The following DHX36 variants were observed in gnomAD, a reference collection of about 807,000 sequenced individuals.
DHX36 encodes DEAH-box helicase 36, also known as ATP-dependent DNA/RNA helicase DHX36.
A neutral mutation model predicts 139.0 loss-of-function variants in DHX36; 50 were observed. The ratio of observed to expected loss-of-function variants is 0.36; its 90% confidence interval spans 0.29 to 0.46. The LOEUF (loss-of-function observed/expected upper bound fraction) is 0.46. Among genes scored for constraint, DHX36 ranks in the 20% least tolerant of loss-of-function variants. The pLI is 1.00. For synonymous variants in DHX36, 425 were observed against 401.9 expected (o/e 1.06, Z -0.69); for missense variants, 1,024 against 1,211.3 (o/e 0.85, Z 2.29).
chr3:154,307,823 A>T (rs995588130), intron 5 of DHX36, among the ~76,000 whole-genome samples: 2 of 151,914 alleles, frequency 1.3e-5, no homozygotes, highest in African/African-American at 4.8e-5. Flanking sequence ...CTTGTCTTGC[A>T]TGTTTATCAC....
At chr3:154,276,462 C>A (rs953443905) in intron 24 of DHX36, 106 bp from the exon 25 acceptor site, 29 of 1,083,768 alleles carry the variant, frequency 2.7e-5, no homozygotes, top group Non-Finnish European at 3.8e-5. Flanking sequence ...CAAGCGATGG[C>A]TCAAAAGCTA....
intron 3 of DHX36, among the ~76,000 whole-genome samples, chr3:154,313,332 A>G (rs1431968108): frequency 6.6e-6 from 1 of 152,172 alleles, no homozygotes; most frequent in Non-Finnish European, 1.5e-5. Flanking sequence ...GATGTGAGAT[A>G]ATTCAACTAT....
chr3:154,312,900 T>TATATAA lies in DHX36; in HGVS notation c.604-1227_604-1226insTTATAT, dbSNP rs1331669290. ...ATATATATATATATATATATATATATAAAATAAATAAAGAACTGTCTTTGG... is the reference window on the plus strand; with the variant it reads ...ATATATATATATATATATATATATATATATAAAAAATAAATAAAGAACTGTCTTTGG... On this transcript the variant is annotated intron_variant, in intron 3 of 24. Transcript: ENST00000496811. 5.0e-3 allele frequency among the ~76,000 whole-genome samples: 338 copies of TATATAA among 67,560 alleles called. 14 individuals carry two copies. Among genetic ancestry groups the TATATAA allele is most frequent in the East Asian group, 0.024 (40 of 1,652 alleles). The allele number at this position is 67,560 out of a possible 152,430, so 44.3% of individuals were successfully genotyped here. A position where few individuals can be genotyped will look rare whatever the true frequency, so the allele number is the denominator to read the frequency against.
intron 6 of DHX36, among the ~76,000 whole-genome samples, chr3:154,305,957 C>G (rs892409476): frequency 1.3e-5 from 2 of 152,078 alleles, no homozygotes; most frequent in Non-Finnish European, 2.9e-5. Flanking sequence ...TAATGGTCTA[C>G]TAATCTATGT....
rs1719144024 is a variant in DHX36, at chr3:154,276,204, A to T, written c.2994T>A (p.Phe998Leu). 1.2e-6 allele frequency: 2 copies of T among 1,612,706 alleles called. No homozygotes were observed. Among genetic ancestry groups the T allele is most frequent in the Non-Finnish European group, 1.7e-6 (2 of 1,179,484 alleles). Residue 998 changes from phenylalanine to leucine, a missense_variant, in exon 25 of 25, where the codon TTT (phenylalanine) becomes TTA (leucine). Physicochemically the swap from Phe to Leu is conservative, Grantham distance 22 (BLOSUM62 0). This residue lies in a region of DHX36 where 470 missense variants were observed against 616.2 expected (regional missense o/e 0.76). Coordinates refer to ENST00000496811, the MANE Select transcript of DHX36 (RefSeq NM_020865.3). ...AATATCCATCCTGGAATCGTGGCGGAAAGTTCCTGGGAGTTGCCTTTTCCT... is the reference window on the plus strand; with the variant it reads ...AATATCCATCCTGGAATCGTGGCGGTAAGTTCCTGGGAGTTGCCTTTTCCT... The part of the protein sequence containing the change: ...KTQEKATPRN[F>L]PPRFQDGYYS
rs1287454878 is a variant in DHX36 at position 154,291,122 on chromosome 3, G to A, written c.1815-1296C>T. Reference sequence around the variant, plus strand: ...TGCACTCCAGCCTGGGCGACAGAGCGAGACTCCGTCTCAAAAAAAAAAAAA... The same window carrying A: ...TGCACTCCAGCCTGGGCGACAGAGCAAGACTCCGTCTCAAAAAAAAAAAAA... On this transcript the variant is annotated intron_variant, in intron 15 of 24. Transcript: ENST00000496811. Among the ~76,000 whole-genome samples, 17 of 94,580 alleles carry A rather than the reference G, an allele frequency of 1.8e-4. No homozygotes were observed. The East Asian group carries it at 2.7e-3, about 15-fold the overall frequency. 62.0% of individuals were successfully genotyped at this position (94,580 alleles called of 152,430 possible).
chr3:154,302,401 T>C (rs1330144983), intron 9 of DHX36, among the ~76,000 whole-genome samples: 1 of 152,196 alleles, frequency 6.6e-6, no homozygotes, highest in African/African-American at 2.4e-5. Flanking sequence ...TTAACCATTA[T>C]AAAGTATGCT....
In DHX36 at chr3:154,275,965, T is replaced by TA. The variant is rs1277740422; in HGVS notation, c.*205dup. The stretch of plus-strand genomic sequence containing the variant: ...CAGCAGAGTATATGATCAGAGAACA[T>TA]ATTGCTTTTATGGTATATATATATA... On this transcript the variant is annotated 3_prime_UTR_variant, in exon 25 of 25. Coordinates refer to ENST00000496811, the MANE Select transcript of DHX36 (RefSeq NM_020865.3). 3.0e-6 allele frequency: 1 copy of TA among 331,944 alleles called. No individual in the cohort carries two copies. Among genetic ancestry groups the TA allele is most frequent in the African/African-American group, 2.3e-5 (1 of 43,710 alleles). 20.6% of individuals were successfully genotyped at this position (331,944 alleles called of 1,614,324 possible).
Position 154,315,100 on chromosome 3 carries a change from T to C in DHX36, c.549A>G (p.Lys183=). The C allele has an allele frequency of 6.2e-7, 1 of 1,612,110 alleles. No individual in the cohort carries two copies. The highest frequency in any genetic ancestry group is 8.5e-7 in the Non-Finnish European group (1 of 1,179,060). ...TTTTCTTTTGTAAATCTTCCAATAA[T>C]TTTTGGTCTAAAGTTCCATCTGGTT... ...ENEPDGTLDQ[K]LLEDLQKKKN... is the part of the protein sequence containing the mutation. Residue 183 remains lysine (K), a synonymous_variant, in exon 3 of 25, where the codon AAA becomes AAG. Transcript: ENST00000496811.
intron 9 of DHX36, among the ~76,000 whole-genome samples, chr3:154,301,466 A>G (rs1382806869): frequency 6.6e-6 from 1 of 152,216 alleles, no homozygotes; most frequent in Non-Finnish European, 1.5e-5. Context: ...ACCTGACTGC[A>G]CGTAAGAATT....
chr3:154,281,608 G>A (rs1273878340), intron 20 of DHX36, among the ~76,000 whole-genome samples: 5 of 152,002 alleles, frequency 3.3e-5, no homozygotes, highest in Non-Finnish European at 7.4e-5. Flanking sequence ...TGAATGACCA[G>A]ATGAATCTTG....
intron 3 of DHX36, among the ~76,000 whole-genome samples, chr3:154,313,274 C>T (rs939498040): frequency 2.0e-5 from 3 of 152,044 alleles, no homozygotes; most frequent in South Asian, 4.2e-4. Flanking sequence ...AATATTCTTT[C>T]CCAAGGCAGC....
intron 15 of DHX36, among the ~76,000 whole-genome samples, chr3:154,290,894 G>T (rs1711772884): frequency 6.6e-6 from 1 of 151,548 alleles, no homozygotes; most frequent in African/African-American, 2.4e-5. Flanking sequence ...CAGCACTTTG[G>T]GAGGCCGAGG....
At chr3:154,306,326 T>C (rs749281059) in intron 5 of DHX36, 31 bp from the exon 6 acceptor site, 3 of 1,561,048 alleles carry the variant, frequency 1.9e-6, no homozygotes, top group Admixed American at 1.7e-5. Flanking sequence ...AAAGAGAATA[T>C]AATTTCCTTT....
At position 154,304,885 on chromosome 3, in the gene DHX36, G is replaced by T; in HGVS notation, c.1056C>A (p.Asp352Glu). The T allele has an allele frequency of 6.2e-7, 1 of 1,611,128 alleles. No individual in the cohort carries two copies. The change falls in exon 8 of 25, where the codon GAC (aspartate) becomes GAA (glutamate). Residue 352 changes from aspartate to glutamate, a missense_variant. By Grantham distance (45) the Asp-to-Glu change is conservative. This residue lies in a region of DHX36 where 146 missense variants were observed against 215.0 expected (regional missense o/e 0.68). Transcript: ENST00000496811. ...TCAAGTCAGATCGAAAATTGAGAAG[G>T]TCTTTAACAACAGTCATTAAAACAT... ...QSDVLMTVVK[D>E]LLNFRSDLKV...
chr3:154,314,960 G>C, intron 3 of DHX36, 86 bp downstream of exon 3: 1 of 869,658 alleles, frequency 1.1e-6, no homozygotes, highest in Non-Finnish European at 1.8e-6. Context: ...ACTGATCTAT[G>C]CCATGCAGCT....
intron 12 of DHX36, 58 bp from the exon 13 acceptor site, chr3:154,295,397 A>G: frequency 1.2e-6 from 1 of 839,190 alleles, no homozygotes; most frequent in African/African-American, 1.8e-5. Context: ...GCTCCATCAA[A>G]CACATATGAG....
At chr3:154,299,308 A>C (rs1423726578) in intron 12 of DHX36, among the ~76,000 whole-genome samples, 1 of 152,214 alleles carries the variant, frequency 6.6e-6, no homozygotes, top group Non-Finnish European at 1.5e-5. Flanking sequence ...GTAAAAATTA[A>C]ATAGAATTTT....
chr3:154,321,321 T>A (rs962117961), intron 1 of DHX36, among the ~76,000 whole-genome samples: 1 of 152,190 alleles, frequency 6.6e-6, no homozygotes, highest in East Asian at 1.9e-4. Flanking sequence ...GCTTCCTTGA[T>A]CTCTATGTTA....
Sources: allele counts gnomAD v4.1 joint callset (sites outside exome capture counted in the v4.1 genomes callset), GRCh38; gene constraint gnomAD v4.1.1; regional missense constraint gnomAD v4.1.1; transcripts MANE v1.5; gene names NCBI Gene and HGNC (gene_info 2026-07-23, HGNC 2026-07-21).